Variants in PHLPP1 observed in about 807,000 individuals in gnomAD.
PHLPP1 encodes the protein PH domain and leucine rich repeat protein phosphatase 1, also known as PH domain leucine-rich repeat-containing protein phosphatase 1.
PHLPP1 carries 42 observed loss-of-function variants against 117.2 expected under a neutral mutation model. That is an observed-to-expected ratio of 0.36 (90% CI 0.28 to 0.46). The LOEUF is 0.46. Ranked by LOEUF, PHLPP1 falls within the 20% of genes least tolerant of loss-of-function variation. PHLPP1 has a pLI of 1.00. For missense variants in PHLPP1, 2,084 were observed against 2,241.9 expected (o/e 0.93, Z 1.42); for synonymous variants, 1,042 against 970.7 (o/e 1.07, Z -1.37).
At chr18:62,790,559 A>C (rs1469316250) in intron 1 of PHLPP1, among the ~76,000 whole-genome samples, 1 of 152,218 alleles carries the variant, frequency 6.6e-6, no homozygotes, top group African/African-American at 2.4e-5. Flanking sequence ...CTAGAATACC[A>C]CATGACTCCC....
At chr18:62,723,699 TCTC>T (rs1165683109) in intron 1 of PHLPP1, among the ~76,000 whole-genome samples, 1 of 152,148 alleles carries the variant, frequency 6.6e-6, no homozygotes, top group African/African-American at 2.4e-5. Context: ...TCAAAGTCAC[TCTC>T]CTCTTCAAAA....
At chr18:62,722,480 C>T (rs1431880196) in intron 1 of PHLPP1, among the ~76,000 whole-genome samples, 1 of 152,122 alleles carries the variant, frequency 6.6e-6, no homozygotes, top group Non-Finnish European at 1.5e-5. Context: ...TCTAAAACAG[C>T]CTGGGAAAAT....
chr18:62,866,940 A>G (rs779813576), intron 4 of PHLPP1, among the ~76,000 whole-genome samples: 1 of 152,190 alleles, frequency 6.6e-6, no homozygotes, highest in East Asian at 1.9e-4. Context: ...CTGTTGCGCT[A>G]CCTTTGAGAG....
chr18:62,912,293 AG>A (rs1916975028), intron 8 of PHLPP1, among the ~76,000 whole-genome samples: 1 of 126,450 alleles, frequency 7.9e-6, no homozygotes, highest in Admixed American at 8.2e-5. Flanking sequence ...CCTAAAACTT[AG>A]AGTATAATAA....
At chr18:62,850,985 G>A (rs1348456581) in intron 3 of PHLPP1, among the ~76,000 whole-genome samples, 1 of 152,182 alleles carries the variant, frequency 6.6e-6, no homozygotes, top group Non-Finnish European at 1.5e-5. Context: ...TGGCACTGCT[G>A]CATCCTCTTT....
chr18:62,865,765 G>A lies in PHLPP1; in HGVS notation c.2066+5164G>A, dbSNP rs188770453. ...ATGGAGCTGGAGGCTGTTATCCTTA[G>A]CAAATTAAGGCAGGAACAGAAAACC... On this transcript the variant is annotated intron_variant, in intron 4 of 16. Transcript: ENST00000262719. 4.2e-3 allele frequency among the ~76,000 whole-genome samples: 638 copies of A among 152,288 alleles called. 3 individuals carry two copies. Among genetic ancestry groups the A allele is most frequent in the Admixed American group, 7.5e-3 (115 of 15,290 alleles).
intron 1 of PHLPP1, among the ~76,000 whole-genome samples, chr18:62,735,355 A>T (rs1568097885): frequency 6.6e-6 from 1 of 152,158 alleles, no homozygotes; most frequent in Non-Finnish European, 1.5e-5. Context: ...AAGTGCTGGG[A>T]TTATAGACAT....
At chr18:62,800,733 T>G (rs1247346640) in intron 1 of PHLPP1, among the ~76,000 whole-genome samples, 1 of 152,126 alleles carries the variant, frequency 6.6e-6, no homozygotes, top group African/African-American at 2.4e-5. Context: ...ATAACCTATT[T>G]AGAGTAGGGC....
intron 1 of PHLPP1, among the ~76,000 whole-genome samples, chr18:62,748,899 T>A (rs886274990): frequency 1.3e-5 from 2 of 152,212 alleles, no homozygotes; most frequent in Non-Finnish European, 2.9e-5. Context: ...GTGTGTTCTT[T>A]AGTTCTCATT....
chr18:62,868,805 T>C (rs1004273228), intron 4 of PHLPP1, among the ~76,000 whole-genome samples: 2 of 152,142 alleles, frequency 1.3e-5, no homozygotes, highest in African/African-American at 4.8e-5. Context: ...TACTGAGCCA[T>C]GTGGTATGAA....
chr18:62,921,321 G>A (rs1408407963), intron 10 of PHLPP1, among the ~76,000 whole-genome samples: 1 of 152,206 alleles, frequency 6.6e-6, no homozygotes, highest in Non-Finnish European at 1.5e-5. Context: ...GAGAAGAGAA[G>A]GAAATGATGA....
chr18:62,861,150 C>G (rs1915622913), intron 4 of PHLPP1, among the ~76,000 whole-genome samples: 2 of 152,070 alleles, frequency 1.3e-5, no homozygotes, highest in Non-Finnish European at 2.9e-5. Context: ...CTTGCTCTGT[C>G]TCAGGCTGGA....
At chr18:62,755,287 TG>T (rs2144240438) in intron 1 of PHLPP1, among the ~76,000 whole-genome samples, 1 of 152,322 alleles carries the variant, frequency 6.6e-6, no homozygotes, top group South Asian at 2.1e-4. Flanking sequence ...GTCAACCCAT[TG>T]GCTCATTCTT....
intron 1 of PHLPP1, among the ~76,000 whole-genome samples, chr18:62,749,941 C>T (rs1911793902): frequency 1.3e-5 from 2 of 152,230 alleles, no homozygotes; most frequent in South Asian, 2.1e-4. Context: ...TCTTAAACCC[C>T]GGAGGCGGAG....
intron 4 of PHLPP1, among the ~76,000 whole-genome samples, chr18:62,861,091 TA>T (rs1317356783): frequency 1.3e-5 from 2 of 152,134 alleles, no homozygotes; most frequent in Non-Finnish European, 2.9e-5. Context: ...AGTCACATGT[TA>T]AATAAATAGA....
intron 1 of PHLPP1, among the ~76,000 whole-genome samples, chr18:62,767,759 AAT>A (rs1381754845): frequency 1.3e-5 from 2 of 152,142 alleles, no homozygotes; most frequent in African/African-American, 4.8e-5. Flanking sequence ...CATGGGGGAG[AAT>A]ATAGACTGTA....
At position 62,764,669 on chromosome 18, in the gene PHLPP1, A is replaced by C. The variant is rs147500433; in HGVS notation, c.1576+47410A>C. 1.7e-3 allele frequency among the ~76,000 whole-genome samples: 262 copies of C among 152,300 alleles called. 9 individuals are homozygous for C. The South Asian group carries it at 0.04, about 23-fold the overall frequency. ...CGAGAGGCTGAGCACCAAAATGGGG[A>C]TGCTAGTCACACTTACGTCCTAGGG... On this transcript the variant is annotated intron_variant, in intron 1 of 16. Coordinates refer to ENST00000262719, the MANE Select transcript of PHLPP1 (RefSeq NM_194449.4).
rs539254033 is a variant in PHLPP1 at position 62,971,295 on chromosome 18, C to T, written c.3561-1219C>T. Among the ~76,000 whole-genome samples, 5 of 152,052 alleles carry T rather than the reference C, an allele frequency of 3.3e-5. No individual in the cohort carries two copies. In the South Asian group the frequency reaches 1.0e-3, roughly 32 times the overall value. On this transcript the variant is annotated intron_variant, in intron 14 of 16. Coordinates refer to ENST00000262719, the MANE Select transcript of PHLPP1 (RefSeq NM_194449.4). The stretch of plus-strand genomic sequence containing the variant: ...TGTTATCTGTCTCTTCTTTCGAAGA[C>T]TCCAACTCCCTATAGTATAGTAGGC...
chr18:62,777,300 A>AT (rs1319255791), intron 1 of PHLPP1, among the ~76,000 whole-genome samples: 1 of 152,078 alleles, frequency 6.6e-6, no homozygotes, highest in Non-Finnish European at 1.5e-5. Context: ...ATGGTGAATG[A>AT]TTTTGAGCAT....
Sources: gnomAD v4.1 joint callset for allele counts (sites outside exome capture counted in the v4.1 genomes callset) on GRCh38, gnomAD v4.1.1 for gene constraint, MANE v1.5 for transcripts, NCBI Gene and HGNC (gene_info 2026-07-23, HGNC 2026-07-21) for gene names.